IGSF21: variants seen among roughly 807,000 people sequenced by gnomAD.
The protein encoded by IGSF21 is immunoglobin superfamily member 21, also known as immunoglobulin superfamily member 21.
Under a neutral mutation model 46.8 loss-of-function variants are expected in IGSF21, and 28 were observed. The ratio of observed to expected loss-of-function variants is 0.60; its 90% CI spans 0.44 to 0.82. IGSF21 has a LOEUF of 0.82. Ranked by LOEUF, IGSF21 falls within the 40% of genes least tolerant of loss-of-function variation. The pLI is 0.00. For missense variants in IGSF21, 624 were observed against 665.5 expected (o/e 0.94, Z 0.69); for synonymous variants, 284 against 273.6 (o/e 1.04, Z -0.38).
rs1020133651 is a variant in IGSF21, at chr1:18,169,044, C to T, written c.71-58854C>T. On this transcript the variant is annotated intron_variant, in intron 1 of 9. Coordinates refer to ENST00000251296, the MANE Select transcript of IGSF21 (RefSeq NM_032880.5). The stretch of plus-strand genomic sequence containing the variant: ...GGCACAGCACTAACCTGTGGCTGCT[C>T]GCCTGCGTGGCTATGCTCACCTAGG... Among the ~76,000 whole-genome samples, 6 of 152,182 alleles carry T rather than the reference C, an allele frequency of 3.9e-5. No homozygotes were observed. In the South Asian group the frequency reaches 6.2e-4, roughly 16 times the overall value.
At chr1:18,116,391 A>C (rs2086190473) in intron 1 of IGSF21, among the ~76,000 whole-genome samples, 1 of 152,178 alleles carries the variant, frequency 6.6e-6, no homozygotes, top group African/African-American at 2.4e-5. Flanking sequence ...ACTTCCTAAC[A>C]AAGTATCCTT....
intron 2 of IGSF21, among the ~76,000 whole-genome samples, chr1:18,282,954 G>T (rs957497235): frequency 6.6e-6 from 1 of 152,160 alleles, no homozygotes; most frequent in African/African-American, 2.4e-5. Context: ...TCATCCCTAC[G>T]GATGCACAGA....
chr1:18,212,202 C>T (rs1023290890), intron 1 of IGSF21, among the ~76,000 whole-genome samples: 3 of 152,242 alleles, frequency 2.0e-5, no homozygotes, highest in African/African-American at 7.2e-5. Flanking sequence ...CTGCATCTCC[C>T]CTTGCCAGCC....
At chr1:18,123,219 T>C (rs976195880) in intron 1 of IGSF21, among the ~76,000 whole-genome samples, 32 of 152,228 alleles carry the variant, frequency 2.1e-4, no homozygotes, top group African/African-American at 7.5e-4. Context: ...ACCCCACCTA[T>C]GCTCAAAATA....
chr1:18,259,802 C>T (rs1186926780), intron 2 of IGSF21, among the ~76,000 whole-genome samples: 1 of 152,138 alleles, frequency 6.6e-6, no homozygotes, highest in Non-Finnish European at 1.5e-5. Flanking sequence ...AGAGATGAGG[C>T]CACAGCATGT....
intron 2 of IGSF21, among the ~76,000 whole-genome samples, chr1:18,274,104 T>C (rs533408863): frequency 6.6e-6 from 1 of 152,368 alleles, no homozygotes; most frequent in South Asian, 2.1e-4. Context: ...ATTGGCTAAC[T>C]TGTTTCTTTA....
rs758268933 is a variant in IGSF21 at position 18,376,855 on chromosome 1, T to G, written c.1157T>G (p.Leu386Arg). ...FTWTRVGSRL[L>R]DGSAEFDGKE... Reference sequence around the variant, plus strand: ...TGGACGCGGGTTGGGAGCCGCCTCCTGGACGGCAGCGCTGAGTTCGACGGG... The same window carrying G: ...TGGACGCGGGTTGGGAGCCGCCTCCGGGACGGCAGCGCTGAGTTCGACGGG... The change falls in exon 8 of 10, where the codon CTG becomes CGG. Residue 386 changes from leucine to arginine, a missense_variant. Leu to Arg is a moderately radical substitution (Grantham distance 102, BLOSUM62 -2). Coordinates refer to ENST00000251296, the MANE Select transcript of IGSF21 (RefSeq NM_032880.5). 1 of 1,611,258 alleles carries G rather than the reference T, an allele frequency of 6.2e-7. No homozygotes were observed. Among genetic ancestry groups the G allele is most frequent in the Non-Finnish European group, 8.5e-7 (1 of 1,177,726 alleles).
chr1:18,155,766 G>T (rs1441689043), intron 1 of IGSF21, among the ~76,000 whole-genome samples: 1 of 152,218 alleles, frequency 6.6e-6, no homozygotes, highest in African/African-American at 2.4e-5. Context: ...AAGAGGGCAA[G>T]CCAGCACCCC....
At chr1:18,358,557 C>G (rs748131578) in intron 4 of IGSF21, among the ~76,000 whole-genome samples, 4 of 152,352 alleles carry the variant, frequency 2.6e-5, no homozygotes, top group Admixed American at 6.5e-5. Flanking sequence ...CTGATCTCCT[C>G]ACTAAACTGT....
In IGSF21 at chr1:18,225,087, A is replaced by ACACACACG. The variant is rs1410545349; in HGVS notation, c.71-2804_71-2803insGCACACAC. 2.7e-3 allele frequency among the ~76,000 whole-genome samples: 82 copies of ACACACACG among 30,604 alleles called. 1 individual carries two copies. The highest frequency in any genetic ancestry group is 9.9e-3 in the Admixed American group (24 of 2,432). The allele number at this position is 30,604 out of a possible 152,430, so 20.1% of individuals were successfully genotyped here. ...ATCTCTCTCTCTCTCTCTCTCTCTCACACACACACACACACACACACACAC... is the reference window on the plus strand; with the variant it reads ...ATCTCTCTCTCTCTCTCTCTCTCTCACACACACGCACACACACACACACACACACACAC... On this transcript the variant is annotated intron_variant, in intron 1 of 9. Coordinates refer to ENST00000251296, the MANE Select transcript of IGSF21 (RefSeq NM_032880.5).
rs1191193182 is a variant in IGSF21, at chr1:18,335,327, A to C, written c.424+317A>C. Among the ~76,000 whole-genome samples, 1 of 152,216 alleles carries C rather than the reference A, an allele frequency of 6.6e-6. No homozygotes were observed. The highest frequency in any genetic ancestry group is 1.5e-5 in the Non-Finnish European group (1 of 68,044). On this transcript the variant is annotated intron_variant, in intron 4 of 9. Transcript: ENST00000251296. The surrounding 1 kb of genome is among the most constrained non-coding windows in gnomAD (Gnocchi z 4.8). ...ATGCACACCTGCTGCAGAGGGAACTATTCTGCCCCTCAGCCAAAAGATTCT... is the reference window on the plus strand; with the variant it reads ...ATGCACACCTGCTGCAGAGGGAACTCTTCTGCCCCTCAGCCAAAAGATTCT...
At chr1:18,259,972 C>T (rs1056837645) in intron 2 of IGSF21, among the ~76,000 whole-genome samples, 2 of 152,186 alleles carry the variant, frequency 1.3e-5, no homozygotes, top group African/African-American at 4.8e-5. Flanking sequence ...AGATGTGTGG[C>T]ATTTGTCATG....
chr1:18,224,576 G>A (rs139523554), intron 1 of IGSF21, among the ~76,000 whole-genome samples: 2 of 152,254 alleles, frequency 1.3e-5, no homozygotes, highest in Non-Finnish European at 2.9e-5. Context: ...GGACAGGGAC[G>A]TGTCTATTGT....
At chr1:18,230,157 G>A (rs1400052841) in intron 2 of IGSF21, among the ~76,000 whole-genome samples, 1 of 152,230 alleles carries the variant, frequency 6.6e-6, no homozygotes, top group Admixed American at 6.5e-5. Context: ...GTGCCCAGGT[G>A]TAGAAGCCAG....
intron 1 of IGSF21, among the ~76,000 whole-genome samples, chr1:18,153,896 A>G (rs1423241540): frequency 6.6e-6 from 1 of 152,158 alleles, no homozygotes; most frequent in African/African-American, 2.4e-5. Context: ...GGAACCCCTC[A>G]TGCAGCCCTG....
chr1:18,352,842 C>G (rs1176028252), intron 4 of IGSF21, among the ~76,000 whole-genome samples: 1 of 152,184 alleles, frequency 6.6e-6, no homozygotes, highest in African/African-American at 2.4e-5. Flanking sequence ...AGGCACCTCC[C>G]TGCAGAGCAG....
At chr1:18,160,146 G>A (rs1382443272) in intron 1 of IGSF21, among the ~76,000 whole-genome samples, 1 of 152,154 alleles carries the variant, frequency 6.6e-6, no homozygotes, top group Non-Finnish European at 1.5e-5. Context: ...GCTAGGGGGA[G>A]AGAAGGAAGG....
intron 3 of IGSF21, among the ~76,000 whole-genome samples, chr1:18,318,236 C>T (rs1386505614): frequency 6.6e-6 from 1 of 152,180 alleles, no homozygotes; most frequent in Non-Finnish European, 1.5e-5. Flanking sequence ...GCCCCCCGTC[C>T]CAAATTTGCA....
chr1:18,303,802 T>C (rs1390370620), intron 3 of IGSF21, among the ~76,000 whole-genome samples: 2 of 152,144 alleles, frequency 1.3e-5, no homozygotes, highest in Non-Finnish European at 1.5e-5. Flanking sequence ...AGTGGGGCTC[T>C]GCCAGGAAGA....
Sources: gnomAD v4.1 joint callset for allele counts (sites outside exome capture counted in the v4.1 genomes callset) on GRCh38, gnomAD v4.1.1 for gene constraint, Gnocchi (gnomAD v3.1) non-coding constraint, MANE v1.5 for transcripts, NCBI Gene and HGNC (gene_info 2026-07-23, HGNC 2026-07-21) for gene names.